OSTM1: variants seen among roughly 807,000 people sequenced by gnomAD.
OSTM1 encodes osteoclastogenesis associated transmembrane protein 1.
In OSTM1, 26 loss-of-function variants were observed where a neutral mutation model predicts 35.4. That is an observed-to-expected ratio of 0.73 (90% CI 0.54 to 1.02). The LOEUF (loss-of-function observed/expected upper bound fraction) is 1.02. Ranked by LOEUF, OSTM1 falls within the 50% of genes least tolerant of loss-of-function variation. The pLI, the probability that OSTM1 is intolerant of heterozygous loss-of-function variation, is 0.00. For missense variants in OSTM1, 366 were observed against 409.6 expected, an observed-to-expected ratio of 0.89 and a Z score of 0.92; for synonymous variants, 181 against 165.0, an observed-to-expected ratio of 1.10 and a Z score of -0.75.
rs748365107 is a variant in OSTM1 at position 108,043,913 on chromosome 6, A to G, written c.*872T>C. ...CTGTCTCTCTTCTCCAAAATCCTCT[A>G]TATATCTTAAGAAGAAAATATTCCT... On this transcript the variant is annotated 3_prime_UTR_variant, in exon 6 of 6. Coordinates refer to ENST00000193322, the MANE Select transcript of OSTM1 (RefSeq NM_014028.4). 6.6e-6 allele frequency: 1 copy of G among 152,378 alleles called. No individual in the cohort carries two copies. The highest frequency in any genetic ancestry group is 1.5e-5 in the Non-Finnish European group (1 of 68,018). 9.4% of individuals were successfully genotyped at this position (152,378 alleles called of 1,614,324 possible). A position where few individuals can be genotyped will look rare whatever the true frequency, so the allele number is the denominator to read the frequency against.
intron 1 of OSTM1, among the ~76,000 whole-genome samples, chr6:108,065,166 G>A (rs9398159): frequency 0.23 from 35,148 of 149,610 alleles, 4,161 homozygotes; most frequent in East Asian, 0.27. Flanking sequence ...GCCATGAACA[G>A]AACATTTTAA....
At chr6:108,062,880 G>A (rs1209334733) in intron 2 of OSTM1, among the ~76,000 whole-genome samples, 1 of 151,786 alleles carries the variant, frequency 6.6e-6, no homozygotes, top group Non-Finnish European at 1.5e-5. Flanking sequence ...AAAAAATGTT[G>A]GCCCAAATAG....
chr6:108,066,207 T>C (rs181553352), intron 1 of OSTM1, among the ~76,000 whole-genome samples: 2 of 152,088 alleles, frequency 1.3e-5, no homozygotes, highest in Admixed American at 6.6e-5. Flanking sequence ...GAGGAATACA[T>C]CTTTAGGCCG....
At position 108,067,541 on chromosome 6, in the gene OSTM1, T is replaced by C. The variant is rs546364531; in HGVS notation, c.403-3242A>G. 1.2e-4 allele frequency among the ~76,000 whole-genome samples: 18 copies of C among 151,254 alleles called. No individual in the cohort carries two copies. In the South Asian group the frequency reaches 1.9e-3, roughly 16 times the overall value. On this transcript the variant is annotated intron_variant, in intron 1 of 5. Transcript: ENST00000193322. Reference sequence around the variant, plus strand: ...GGGACAGGGGAATGGAAAGAAATGATAGAAAGTCAGCCTGGCACCGTGGCT... The same window carrying C: ...GGGACAGGGGAATGGAAAGAAATGACAGAAAGTCAGCCTGGCACCGTGGCT...
intron 5 of OSTM1, among the ~76,000 whole-genome samples, chr6:108,046,906 T>C (rs1451152273): frequency 2.0e-5 from 3 of 152,188 alleles, no homozygotes; most frequent in Non-Finnish European, 4.4e-5. Context: ...ACAAGTTAAA[T>C]ACGAATGAGT....
chr6:108,071,583 G>A (rs917309990), intron 1 of OSTM1, among the ~76,000 whole-genome samples: 2 of 151,196 alleles, frequency 1.3e-5, no homozygotes, highest in African/African-American at 4.9e-5. Flanking sequence ...AAAGTGCTGG[G>A]ATTACAGACA....
At chr6:108,059,804 A>C (rs933061097) in intron 2 of OSTM1, among the ~76,000 whole-genome samples, 2 of 152,128 alleles carry the variant, frequency 1.3e-5, no homozygotes, top group Admixed American at 1.3e-4. Context: ...CTTCTTCACA[A>C]ATGGGATTTA....
chr6:108,062,493 T>C (rs769846112), intron 2 of OSTM1, among the ~76,000 whole-genome samples: 3 of 151,980 alleles, frequency 2.0e-5, no homozygotes, highest in Non-Finnish European at 4.4e-5. Flanking sequence ...AATAGAATAC[T>C]ATATAATCAT....
At chr6:108,066,117 G>C (rs2114608225) in intron 1 of OSTM1, among the ~76,000 whole-genome samples, 1 of 152,316 alleles carries the variant, frequency 6.6e-6, no homozygotes, top group South Asian at 2.1e-4. Flanking sequence ...ACAAGGTTAT[G>C]AGAGGCCGTG....
At chr6:108,060,871 G>T (rs1300139544) in intron 2 of OSTM1, 1 of 152,140 alleles carries the variant, frequency 6.6e-6, no homozygotes, top group Non-Finnish European at 1.5e-5. Context: ...GTTGGTTACA[G>T]ATCGAACTCC....
At chr6:108,046,739 C>T (rs1012675457) in intron 5 of OSTM1, among the ~76,000 whole-genome samples, 1 of 152,208 alleles carries the variant, frequency 6.6e-6, no homozygotes, top group African/African-American at 2.4e-5. Flanking sequence ...AAAACTTAAA[C>T]TAAAAACATT....
intron 5 of OSTM1, among the ~76,000 whole-genome samples, chr6:108,046,321 A>C (rs1228096912): frequency 3.5e-5 from 4 of 112,908 alleles, no homozygotes; most frequent in African/African-American, 1.4e-4. Flanking sequence ...TGCCTGGCCT[A>C]CCAATGTCTC....
At chr6:108,059,985 A>G (rs956503249) in intron 2 of OSTM1, among the ~76,000 whole-genome samples, 1 of 152,242 alleles carries the variant, frequency 6.6e-6, no homozygotes, top group African/African-American at 2.4e-5. Context: ...TTTTGAATAC[A>G]TATTAAATGT....
intron 1 of OSTM1, among the ~76,000 whole-genome samples, chr6:108,067,450 T>C (rs1772398813): frequency 6.6e-6 from 1 of 151,946 alleles, no homozygotes; most frequent in Non-Finnish European, 1.5e-5. Context: ...ACTATCAACA[T>C]TTAAACATGT....
intron 1 of OSTM1, among the ~76,000 whole-genome samples, chr6:108,066,049 G>T (rs902350842): frequency 1.3e-5 from 2 of 152,204 alleles, no homozygotes; most frequent in Non-Finnish European, 2.9e-5. Context: ...TGATTATGTG[G>T]TATTCGGAGA....
At chr6:108,059,933 C>T (rs993310483) in intron 2 of OSTM1, among the ~76,000 whole-genome samples, 1 of 152,182 alleles carries the variant, frequency 6.6e-6, no homozygotes, top group African/African-American at 2.4e-5. Flanking sequence ...ATACTCATCA[C>T]AGATTTGAAC....
intron 4 of OSTM1, among the ~76,000 whole-genome samples, chr6:108,050,136 C>T (rs956089816): frequency 1.5e-4 from 23 of 152,038 alleles, no homozygotes; most frequent in African/African-American, 5.1e-4. Flanking sequence ...TTATTAAGCC[C>T]ATTATATGCT....
chr6:108,068,664 C>G (rs1772424017), intron 1 of OSTM1, among the ~76,000 whole-genome samples: 1 of 152,138 alleles, frequency 6.6e-6, no homozygotes, highest in South Asian at 2.1e-4. Flanking sequence ...TCTCACACCA[C>G]TGCAACAGTC....
At chr6:108,055,667 T>C (rs1772159331) in intron 2 of OSTM1, among the ~76,000 whole-genome samples, 1 of 152,160 alleles carries the variant, frequency 6.6e-6, no homozygotes, top group African/African-American at 2.4e-5. Context: ...TCACAGCCAT[T>C]TTCATCCCTG....
Sources: gnomAD v4.1 joint callset for allele counts (sites outside exome capture counted in the v4.1 genomes callset) on GRCh38, gnomAD v4.1.1 for gene constraint, MANE v1.5 for transcripts, NCBI Gene and HGNC (gene_info 2026-07-23, HGNC 2026-07-21) for gene names.